The following GNG2 variants were observed in gnomAD, a reference collection of about 807,000 sequenced individuals.
The protein encoded by GNG2 is G protein subunit gamma 2.
A neutral mutation model predicts 5.5 loss-of-function variants in GNG2; 5 were observed. The ratio of observed to expected loss-of-function variants is 0.91; its 90% CI spans 0.48 to 1.92. The LOEUF (loss-of-function observed/expected upper bound fraction) is 1.92. Among genes scored for constraint, GNG2 ranks in the 30% most tolerant of loss-of-function variants. GNG2 has a pLI of 0.01. For synonymous variants in GNG2, 28 were observed against 32.0 expected, an observed-to-expected ratio of 0.88 and a Z score of 0.42; for missense variants, 55 against 88.4, an observed-to-expected ratio of 0.62 and a Z score of 1.52.
rs555634997 is a variant in GNG2 at position 51,829,959 on chromosome 14, C to T, written c.64+2152C>T. Among the ~76,000 whole-genome samples, 22 of 152,058 alleles carry T rather than the reference C, an allele frequency of 1.4e-4. No individual in the cohort carries two copies. In the South Asian group the frequency reaches 2.9e-3, roughly 20 times the overall value. ...CTGGGTTCAAAGGATTCTTCTACCT[C>T]AGCCTCCCTAGTAGCTGGGACAACA... On this transcript the variant is annotated intron_variant, in intron 2 of 3. Coordinates refer to the GNG2 transcript ENST00000553432.
chr14:51,894,892 T>C (rs982655226), intron 2 of GNG2, among the ~76,000 whole-genome samples: 2 of 152,142 alleles, frequency 1.3e-5, no homozygotes, highest in Admixed American at 1.3e-4. Flanking sequence ...GCCTTCTTCA[T>C]AGTAAACCCA....
chr14:51,832,998 A>G (rs1219137724), intron 2 of GNG2, among the ~76,000 whole-genome samples: 4 of 152,146 alleles, frequency 2.6e-5, no homozygotes, highest in African/African-American at 7.2e-5. Context: ...GTACACAATC[A>G]TCTATTTTGC....
chr14:51,879,436 A>C (rs1418632431), intron 2 of GNG2, among the ~76,000 whole-genome samples: 1 of 152,352 alleles, frequency 6.6e-6, no homozygotes, highest in East Asian at 1.9e-4. Context: ...AGCAACTGTG[A>C]TTAAAGGTGT....
intron 2 of GNG2, among the ~76,000 whole-genome samples, chr14:51,891,177 G>A (rs1884831133): frequency 6.6e-6 from 1 of 152,168 alleles, no homozygotes; most frequent in Non-Finnish European, 1.5e-5. Flanking sequence ...AGAGAAGGAG[G>A]GGAGTGCGGG....
At chr14:51,944,989 C>T (rs930864345) in intron 2 of GNG2, among the ~76,000 whole-genome samples, 3 of 151,894 alleles carry the variant, frequency 2.0e-5, no homozygotes, top group African/African-American at 4.8e-5. Context: ...TAGGTATCTC[C>T]GCAAAGAAAT....
intron 3 of GNG2, among the ~76,000 whole-genome samples, chr14:51,964,740 A>G (rs751389870): frequency 6.6e-6 from 1 of 152,238 alleles, no homozygotes; most frequent in Non-Finnish European, 1.5e-5. Flanking sequence ...GGCCAGGCAC[A>G]GTGACTTACA....
At chr14:51,909,002 T>C (rs971586177) in intron 2 of GNG2, among the ~76,000 whole-genome samples, 5 of 152,160 alleles carry the variant, frequency 3.3e-5, no homozygotes, top group Admixed American at 6.5e-5. Flanking sequence ...TCATGTAAAC[T>C]TCTTATATAA....
At chr14:51,852,293 C>A (rs1049795434) in intron 2 of GNG2, among the ~76,000 whole-genome samples, 4 of 152,156 alleles carry the variant, frequency 2.6e-5, no homozygotes. Flanking sequence ...TTATCTTCCT[C>A]CTCCTAAAAT....
intron 2 of GNG2, among the ~76,000 whole-genome samples, chr14:51,933,952 G>A (rs1887812243): frequency 6.6e-6 from 1 of 152,202 alleles, no homozygotes; most frequent in South Asian, 2.1e-4. Context: ...TAGCACTGAG[G>A]ATCCACTTGA....
At chr14:51,922,670 T>C (rs1253672) in intron 2 of GNG2, among the ~76,000 whole-genome samples, 10,127 of 152,210 alleles carry the variant, frequency 0.067, 980 homozygotes, top group African/African-American at 0.21. Context: ...GTTTCTTCTC[T>C]CTCTCCAAAG....
Position 51,830,214 on chromosome 14 carries a change from C to T in GNG2, c.64+2407C>T, listed in dbSNP as rs572672675. On this transcript the variant is annotated intron_variant, in intron 2 of 3. Transcript: ENST00000553432. ...TAACTCTCCTGGGTTTCCTTCTCTA[C>T]GATTAGCCATTCCTTTGTAGTTTTT... Among the ~76,000 whole-genome samples the T allele has an allele frequency of 5.7e-4, 87 of 152,312 alleles. No homozygotes were observed. In the South Asian group the frequency reaches 9.7e-3, roughly 17 times the overall value.
intron 3 of GNG2, among the ~76,000 whole-genome samples, chr14:51,953,988 G>C (rs1017149562): frequency 2.0e-5 from 3 of 152,168 alleles, no homozygotes; most frequent in South Asian, 2.1e-4. Context: ...CTTAAGAGGA[G>C]GATTTGGGGA....
chr14:51,908,524 A>T (rs1886078246), intron 2 of GNG2, among the ~76,000 whole-genome samples: 1 of 115,184 alleles, frequency 8.7e-6, no homozygotes, highest in Admixed American at 9.8e-5. Flanking sequence ...GTCATATTTT[A>T]AAGATCTATC....
intron 2 of GNG2, among the ~76,000 whole-genome samples, chr14:51,928,912 A>G (rs193061434): frequency 5.3e-5 from 8 of 152,266 alleles, no homozygotes; most frequent in Admixed American, 1.3e-4. Context: ...CATCACAAGA[A>G]CTAGTGAGAA....
At chr14:51,914,352 A>G in intron 2 of GNG2, 3 of 697,574 alleles carry the variant, frequency 4.3e-6, no homozygotes, top group Non-Finnish European at 7.8e-6. Context: ...CACAGGCCAC[A>G]GTAACCATAG....
At chr14:51,912,635 A>G (rs1886361840) in intron 2 of GNG2, among the ~76,000 whole-genome samples, 1 of 152,122 alleles carries the variant, frequency 6.6e-6, no homozygotes, top group Non-Finnish European at 1.5e-5. Context: ...TCCCAAAACA[A>G]TTGCATAATT....
chr14:51,833,288 C>G (rs898630831), intron 2 of GNG2, among the ~76,000 whole-genome samples: 4 of 152,186 alleles, frequency 2.6e-5, no homozygotes, highest in African/African-American at 9.7e-5. Flanking sequence ...AATCTGTCTT[C>G]TAAACATTCT....
Position 51,968,096 on chromosome 14 carries a change from T to A in GNG2, c.*1409T>A, listed in dbSNP as rs1356837364. On this transcript the variant is annotated 3_prime_UTR_variant, in exon 4 of 4. Transcript: ENST00000556766. ...TTGTTTTTGTTCTCCATCTTGTTTG[T>A]TAGAGTCTCTCGGCCTTTATTTACA... is the stretch of plus-strand genomic sequence containing the variant. 1 of 152,198 alleles carries A rather than the reference T, an allele frequency of 6.6e-6. No individual in the cohort carries two copies. Among genetic ancestry groups the A allele is most frequent in the Non-Finnish European group, 1.5e-5 (1 of 68,030 alleles). The allele number at this position is 152,198 out of a possible 1,614,324, so 9.4% of individuals were successfully genotyped here. A position where few individuals can be genotyped will look rare whatever the true frequency, so the allele number is the denominator to read the frequency against.
chr14:51,885,611 C>CA lies in GNG2; in HGVS notation c.-30+7954_-30+7955insA, dbSNP rs753160230. On this transcript the variant is annotated intron_variant, in intron 2 of 3. Coordinates refer to ENST00000556766, the MANE Select transcript of GNG2 (RefSeq NM_053064.5). ...CTATAACACACACACACACACACACCCCCGCCCCCAAACAAAAAAACAAAA... is the reference window on the plus strand; with the variant it reads ...CTATAACACACACACACACACACACCACCCGCCCCCAAACAAAAAAACAAAA... 3.1e-4 allele frequency among the ~76,000 whole-genome samples: 44 copies of CA among 143,250 alleles called. 1 individual carries two copies. Among genetic ancestry groups the CA allele is most frequent in the South Asian group, 4.5e-4 (2 of 4,464 alleles). 94.0% of individuals were successfully genotyped at this position (143,250 alleles called of 152,430 possible). A position where few individuals can be genotyped will look rare whatever the true frequency, so the allele number is the denominator to read the frequency against.
Sources: allele counts gnomAD v4.1 joint callset (sites outside exome capture counted in the v4.1 genomes callset), GRCh38; gene constraint gnomAD v4.1.1; transcripts MANE v1.5; gene names NCBI Gene and HGNC (gene_info 2026-07-23, HGNC 2026-07-21).